Variants in FBXO15 observed in about 807,000 individuals in gnomAD.
FBXO15 encodes the protein F-box protein 15, also known as F-box only protein 15.
A neutral mutation model predicts 49.5 loss-of-function variants in FBXO15; 30 were observed. The observed-to-expected ratio is 0.61, with a 90% confidence interval of 0.45 to 0.82. The LOEUF (loss-of-function observed/expected upper bound fraction) is 0.82. FBXO15 is among the 40% of genes least tolerant of loss of function. The pLI is 0.00. For missense variants in FBXO15, 591 were observed against 631.5 expected, an observed-to-expected ratio of 0.94 and a Z score of 0.69; for synonymous variants, 250 against 232.7, an observed-to-expected ratio of 1.07 and a Z score of -0.68.
chr18:74,095,109 G>T (rs1376538469), intron 8 of FBXO15, among the ~76,000 whole-genome samples: 1 of 152,226 alleles, frequency 6.6e-6, no homozygotes, highest in African/African-American at 2.4e-5. Context: ...TTAGGTCCTT[G>T]CTCTGGATTA....
intron 9 of FBXO15, 128 bp from the exon 10 acceptor site, chr18:74,073,858 G>T: frequency 8.8e-7 from 1 of 1,135,136 alleles, no homozygotes; most frequent in Non-Finnish European, 1.2e-6. Context: ...TACTATCATT[G>T]GTTTTTCATG....
At chr18:74,134,590 G>A (rs1422373697) in intron 3 of FBXO15, among the ~76,000 whole-genome samples, 2 of 151,870 alleles carry the variant, frequency 1.3e-5, no homozygotes, top group Non-Finnish European at 1.5e-5. Context: ...GGATGGTCTC[G>A]ATCTCCTGAC....
At chr18:74,138,955 G>C (rs1446696952) in intron 2 of FBXO15, among the ~76,000 whole-genome samples, 1 of 152,038 alleles carries the variant, frequency 6.6e-6, no homozygotes, top group Non-Finnish European at 1.5e-5. Context: ...AGATAATTTG[G>C]GAAACTACAT....
chr18:74,130,349 A>G, intron 4 of FBXO15, 67 bp downstream of exon 4: 1 of 1,583,160 alleles, frequency 6.3e-7, no homozygotes, highest in East Asian at 2.2e-5. Flanking sequence ...TCTAAACTGC[A>G]CATACGTCCT....
At chr18:74,092,700 T>C (rs1341659826) in intron 8 of FBXO15, among the ~76,000 whole-genome samples, 1 of 152,186 alleles carries the variant, frequency 6.6e-6, no homozygotes, top group Non-Finnish European at 1.5e-5. Context: ...AAGACTGATA[T>C]CATGACCCCA....
At chr18:74,091,463 T>C (rs1913023473) in intron 8 of FBXO15, among the ~76,000 whole-genome samples, 1 of 152,204 alleles carries the variant, frequency 6.6e-6, no homozygotes, top group Non-Finnish European at 1.5e-5. Flanking sequence ...TATGTATATT[T>C]ATTTGTGTGG....
At chr18:74,085,919 T>A (rs1912716790) in intron 8 of FBXO15, among the ~76,000 whole-genome samples, 1 of 152,200 alleles carries the variant, frequency 6.6e-6, no homozygotes, top group African/African-American at 2.4e-5. Context: ...CCAGGAAATT[T>A]AAAATTGATT....
intron 8 of FBXO15, among the ~76,000 whole-genome samples, chr18:74,086,043 A>C (rs1334069206): frequency 6.6e-6 from 1 of 152,232 alleles, no homozygotes; most frequent in Non-Finnish European, 1.5e-5. Flanking sequence ...ATAATGAATT[A>C]TCTGCTTTGA....
intron 8 of FBXO15, among the ~76,000 whole-genome samples, chr18:74,114,987 C>T (rs76238939): frequency 0.028 from 4,254 of 152,164 alleles, 101 homozygotes; most frequent in Non-Finnish European, 0.042. Context: ...AAAGCCTTTC[C>T]CTAGACACAG....
chr18:74,080,772 T>A (rs1177876311), intron 9 of FBXO15, among the ~76,000 whole-genome samples: 1 of 152,220 alleles, frequency 6.6e-6, no homozygotes, highest in African/African-American at 2.4e-5. Context: ...CTTTGTATAA[T>A]TACTACATTT....
chr18:74,110,869 T>G (rs1023377436), intron 8 of FBXO15, among the ~76,000 whole-genome samples: 3 of 152,182 alleles, frequency 2.0e-5, no homozygotes, highest in Non-Finnish European at 4.4e-5. Flanking sequence ...TAACAATTCT[T>G]AATGTGTATG....
At chr18:74,079,169 A>G (rs1912383837) in intron 9 of FBXO15, among the ~76,000 whole-genome samples, 2 of 152,258 alleles carry the variant, frequency 1.3e-5, no homozygotes, top group Admixed American at 1.3e-4. Flanking sequence ...AAAGAAAAAC[A>G]TAAAAGAAAC....
At chr18:74,088,894 C>A (rs1421592280) in intron 8 of FBXO15, among the ~76,000 whole-genome samples, 1 of 152,024 alleles carries the variant, frequency 6.6e-6, no homozygotes, top group Admixed American at 6.6e-5. Flanking sequence ...TTTTGTAATT[C>A]TCACAGAATT....
At chr18:74,142,184 C>T (rs998539231) in intron 1 of FBXO15, among the ~76,000 whole-genome samples, 2 of 152,168 alleles carry the variant, frequency 1.3e-5, no homozygotes, top group African/African-American at 4.8e-5. Flanking sequence ...CTGTGCTCTG[C>T]AGGGCAGGAA....
intron 5 of FBXO15, among the ~76,000 whole-genome samples, chr18:74,126,819 A>G (rs1285403838): frequency 6.6e-6 from 1 of 152,264 alleles, no homozygotes; most frequent in African/African-American, 2.4e-5. Context: ...TCAAAGTGGA[A>G]GGGACTGTGA....
chr18:74,125,996 G>A lies in FBXO15; in HGVS notation c.891C>T (p.Gly297=). The change falls in exon 6 of 10, where the codon GGC becomes GGT. Residue 297 remains glycine (G), a synonymous_variant. Coordinates refer to ENST00000419743, the MANE Select transcript of FBXO15 (RefSeq NM_001142958.2). ...RLIRIFCLHP[G]LLVGVWKKEE... is the part of the protein sequence containing the mutation. ...TTACCTTCCACACTCCCACCAGGAG[G>A]CCAGGGTGCAGGCAGAAGATCCGAA... 3 of 1,614,056 alleles carry A rather than the reference G, an allele frequency of 1.9e-6. No homozygotes were observed. Among genetic ancestry groups the A allele is most frequent in the Admixed American group, 1.7e-5 (1 of 60,024 alleles).
At chr18:74,107,205 A>AAC (rs59019968) in intron 8 of FBXO15, among the ~76,000 whole-genome samples, 11 of 151,172 alleles carry the variant, frequency 7.3e-5, no homozygotes, top group Middle Eastern at 3.5e-3. Context: ...AAAAAAAAAA[A>AAC]AACAACAAAT....
At chr18:74,110,150 T>C (rs1222266343) in intron 8 of FBXO15, among the ~76,000 whole-genome samples, 3 of 145,756 alleles carry the variant, frequency 2.1e-5, no homozygotes, top group East Asian at 2.0e-4. Flanking sequence ...TTCTAATATA[T>C]ATACATATGT....
At chr18:74,078,225 CCCT>C (rs1912333988) in intron 9 of FBXO15, among the ~76,000 whole-genome samples, 1 of 152,140 alleles carries the variant, frequency 6.6e-6, no homozygotes, top group South Asian at 2.1e-4. Flanking sequence ...TTCTCCAATT[CCCT>C]CCTAACCTAA....
Sources: gnomAD v4.1 joint callset for allele counts (sites outside exome capture counted in the v4.1 genomes callset) on GRCh38, gnomAD v4.1.1 for gene constraint, MANE v1.5 for transcripts, NCBI Gene and HGNC (gene_info 2026-07-23, HGNC 2026-07-21) for gene names.